Variants in DLGAP2 observed in about 807,000 individuals in gnomAD.
DLGAP2 encodes DLG associated protein 2.
A neutral mutation model predicts 100.3 loss-of-function variants in DLGAP2; 26 were observed. That is an observed-to-expected ratio of 0.26 (90% CI 0.19 to 0.36). DLGAP2 has a LOEUF of 0.36. Ranked by LOEUF, DLGAP2 falls within the 10% of genes least tolerant of loss-of-function variation. The probability of loss-of-function intolerance (pLI) is 1.00; values close to 1 mark genes in which losing one functional copy is unlikely to be tolerated. For synonymous variants in DLGAP2, 886 were observed against 630.1 expected, an observed-to-expected ratio of 1.41 and a Z score of -6.08; for missense variants, 1,858 against 1,453.2, an observed-to-expected ratio of 1.28 and a Z score of -4.53.
chr8:1,341,545 A>G (rs1801417956), intron 3 of DLGAP2, among the ~76,000 whole-genome samples: 3 of 152,344 alleles, frequency 2.0e-5, no homozygotes, highest in South Asian at 4.1e-4. Context: ...CCATGTCTCA[A>G]AAAAATCAGA....
intron 3 of DLGAP2, among the ~76,000 whole-genome samples, chr8:1,488,646 T>C (rs1274929714): frequency 6.6e-6 from 1 of 152,102 alleles, no homozygotes; most frequent in Non-Finnish European, 1.5e-5. Context: ...CAGAGAGAAA[T>C]TGAGGATGCA....
At chr8:1,429,191 T>C (rs901288362) in intron 3 of DLGAP2, among the ~76,000 whole-genome samples, 1 of 152,154 alleles carries the variant, frequency 6.6e-6, no homozygotes, top group African/African-American at 2.4e-5. Context: ...GTGGAGTCTC[T>C]ACTTAGAGGT....
chr8:1,313,994 G>T (rs147810445), intron 3 of DLGAP2, among the ~76,000 whole-genome samples: 1 of 152,094 alleles, frequency 6.6e-6, no homozygotes, highest in Admixed American at 6.5e-5. Context: ...ATAAAATCCT[G>T]TGAAACTGTA....
At chr8:1,348,577 T>A (rs1384585379) in intron 3 of DLGAP2, among the ~76,000 whole-genome samples, 1 of 151,156 alleles carries the variant, frequency 6.6e-6, no homozygotes, top group Non-Finnish European at 1.5e-5. Context: ...ATGTGGAGGT[T>A]GAGTTCCCAT....
chr8:976,443 C>A (rs969094797), intron 2 of DLGAP2, among the ~76,000 whole-genome samples: 1 of 152,052 alleles, frequency 6.6e-6, no homozygotes, highest in Non-Finnish European at 1.5e-5. Context: ...AACCCCATGT[C>A]TACTAAAAAT....
intron 1 of DLGAP2, among the ~76,000 whole-genome samples, chr8:857,743 G>A (rs1797307568): frequency 6.6e-6 from 1 of 152,188 alleles, no homozygotes; most frequent in Admixed American, 6.5e-5. Context: ...GCAAAATGGT[G>A]CAGCCACACT....
chr8:856,426 G>T (rs998953567), intron 1 of DLGAP2, among the ~76,000 whole-genome samples: 8 of 152,068 alleles, frequency 5.3e-5, no homozygotes, highest in Admixed American at 2.0e-4. Flanking sequence ...GACCTGAGGT[G>T]ATCTGCCCAC....
chr8:1,142,229 A>G lies in DLGAP2; in HGVS notation c.74-116622A>G, dbSNP rs956976863. Among the ~76,000 whole-genome samples, 4 of 152,198 alleles carry G rather than the reference A, an allele frequency of 2.6e-5. No individual in the cohort carries two copies. The East Asian group carries it at 5.8e-4, about 22-fold the overall frequency. ...TTGTGTGTATTAATTGTATAATAAA[A>G]TTATGCATCATAAGGTGGTTCACCA... On this transcript the variant is annotated intron_variant, in intron 2 of 14. Coordinates refer to ENST00000637795, the MANE Select transcript of DLGAP2 (RefSeq NM_001346810.2).
chr8:1,349,921 C>T (rs1487828333), intron 3 of DLGAP2, among the ~76,000 whole-genome samples: 1 of 152,202 alleles, frequency 6.6e-6, no homozygotes, highest in East Asian at 1.9e-4. Context: ...ACACATTTGC[C>T]TATATCTCTA....
intron 4 of DLGAP2, among the ~76,000 whole-genome samples, chr8:1,508,957 C>T (rs1007860283): frequency 5.3e-5 from 8 of 152,142 alleles, no homozygotes; most frequent in African/African-American, 1.9e-4. Context: ...AAACCATGGG[C>T]TGCAACTCAT....
Position 1,548,858 on chromosome 8 carries a change from C to A in DLGAP2, c.405C>A (p.Cys135Ter). ...GCTGCCCCGGGGGGCGCCACCGCTG[C>A]TCGCCGCGCAGCTCGGTGCACTCGG... ...ADSCPGGRHR[C>*]SPRSSVHSEC... The change falls in exon 5 of 15, where the codon TGC (cysteine) becomes TGA (stop). Residue 135 changes from cysteine (C) to a stop codon, truncating the protein, a stop_gained. Coordinates refer to ENST00000637795, the MANE Select transcript of DLGAP2 (RefSeq NM_001346810.2). LOFTEE classifies it high-confidence loss of function. 1 of 1,584,776 alleles carries A rather than the reference C, an allele frequency of 6.3e-7. No homozygotes were observed.
intron 3 of DLGAP2, among the ~76,000 whole-genome samples, chr8:1,418,342 T>C (rs772722637): frequency 6.6e-6 from 1 of 152,206 alleles, no homozygotes; most frequent in Non-Finnish European, 1.5e-5. Flanking sequence ...AATATTCAAC[T>C]TTAGATATTT....
rs141642607 is a variant in DLGAP2 at position 1,699,525 on chromosome 8, A to T, written c.2950-1663A>T. 3.9e-5 allele frequency among the ~76,000 whole-genome samples: 6 copies of T among 152,060 alleles called. No individual in the cohort carries two copies. In the East Asian group the frequency reaches 9.7e-4, roughly 24 times the overall value. On this transcript the variant is annotated intron_variant, in intron 14 of 14. Transcript: ENST00000637795. ...GCTACTCAGGAGGCTGAGGCAGGAG[A>T]ATGGAGTGAACCCGGAAGGCAGAGC... is the stretch of plus-strand genomic sequence containing the variant.
chr8:1,254,491 C>G (rs963452951), intron 2 of DLGAP2, among the ~76,000 whole-genome samples: 2 of 152,148 alleles, frequency 1.3e-5, no homozygotes, highest in African/African-American at 2.4e-5. Flanking sequence ...CTCGGAGCCT[C>G]TAGTTTGGAA....
intron 2 of DLGAP2, among the ~76,000 whole-genome samples, chr8:1,244,124 A>T (rs1288129999): frequency 1.3e-5 from 2 of 152,116 alleles, no homozygotes; most frequent in East Asian, 3.9e-4. Context: ...TGAGTGTCGG[A>T]TGCTCCCAGG....
At chr8:1,085,617 A>G (rs1276466753) in intron 2 of DLGAP2, among the ~76,000 whole-genome samples, 1 of 152,138 alleles carries the variant, frequency 6.6e-6, no homozygotes, top group Admixed American at 6.5e-5. Flanking sequence ...GTTCTGTTCC[A>G]TTCGTTGATG....
chr8:1,674,701 T>C (rs1317998566), intron 10 of DLGAP2, among the ~76,000 whole-genome samples: 2 of 152,192 alleles, frequency 1.3e-5, no homozygotes, highest in African/African-American at 4.8e-5. Context: ...GGTGAATATA[T>C]TCAGAGAAGT....
rs183711046 is a variant in DLGAP2, at chr8:838,184, C to T, written c.19-69728C>T. 3.8e-3 allele frequency among the ~76,000 whole-genome samples: 581 copies of T among 152,178 alleles called. 5 individuals are homozygous for T. The highest frequency in any genetic ancestry group is 6.5e-3 in the Non-Finnish European group (445 of 68,014). Reference sequence around the variant, plus strand: ...ACAATAATTTAAGGGATGCTGGCATCGTACTTCTTGTCTTTCCCCTCCCTT... The same window carrying T: ...ACAATAATTTAAGGGATGCTGGCATTGTACTTCTTGTCTTTCCCCTCCCTT... On this transcript the variant is annotated intron_variant, in intron 1 of 14. Coordinates refer to ENST00000637795, the MANE Select transcript of DLGAP2 (RefSeq NM_001346810.2).
At chr8:1,335,933 G>A (rs143470187) in intron 3 of DLGAP2, among the ~76,000 whole-genome samples, 9 of 151,990 alleles carry the variant, frequency 5.9e-5, no homozygotes, top group African/African-American at 9.7e-5. Flanking sequence ...GGGGCTGCGC[G>A]TGGTGACGCG....
Sources: gnomAD v4.1 joint callset for allele counts (sites outside exome capture counted in the v4.1 genomes callset) on GRCh38, gnomAD v4.1.1 for gene constraint, MANE v1.5 for transcripts, NCBI Gene and HGNC (gene_info 2026-07-23, HGNC 2026-07-21) for gene names.